Variants in TAF1B observed in about 807,000 individuals in gnomAD.
TAF1B encodes TATA-box binding protein associated factor, RNA polymerase I subunit B.
A neutral mutation model predicts 83.9 loss-of-function variants in TAF1B; 61 were observed. The observed-to-expected ratio is 0.73, with a 90% CI of 0.59 to 0.90. The LOEUF (loss-of-function observed/expected upper bound fraction) is 0.90. TAF1B is among the 40% of genes least tolerant of loss of function. TAF1B has a pLI of 0.00. For missense variants in TAF1B, 625 were observed against 677.0 expected (o/e 0.92, Z 0.85); for synonymous variants, 221 against 224.6 (o/e 0.98, Z 0.14).
intron 14 of TAF1B, among the ~76,000 whole-genome samples, chr2:9,927,116 T>C (rs1000278858): frequency 7.3e-6 from 1 of 137,806 alleles, no homozygotes; most frequent in South Asian, 2.4e-4. Context: ...TGAGAACATA[T>C]GGTGTTTGGT....
At chr2:9,844,072 C>T (rs1447078130) in intron 1 of TAF1B, among the ~76,000 whole-genome samples, 2 of 152,202 alleles carry the variant, frequency 1.3e-5, no homozygotes, top group African/African-American at 4.8e-5. Context: ...AGTACGGGGT[C>T]ACTGAACACT....
intron 8 of TAF1B, among the ~76,000 whole-genome samples, chr2:9,893,130 A>G (rs1256307628): frequency 6.6e-6 from 1 of 152,230 alleles, no homozygotes; most frequent in Non-Finnish European, 1.5e-5. Flanking sequence ...TTTATAGAAA[A>G]GTTGCAAAAC....
At chr2:9,887,506 C>T (rs1345862231) in intron 8 of TAF1B, among the ~76,000 whole-genome samples, 1 of 151,796 alleles carries the variant, frequency 6.6e-6, no homozygotes, top group African/African-American at 2.4e-5. Flanking sequence ...CTTTTTTCTC[C>T]TCGTGCTGTT....
rs529775070 is a variant in TAF1B at position 9,927,007 on chromosome 2, G to C, written c.1566-6776G>C. On this transcript the variant is annotated intron_variant, in intron 14 of 14. Coordinates refer to ENST00000263663, the MANE Select transcript of TAF1B (RefSeq NM_005680.3). ...ATTTACATTAGGTATTTCTCCTAAT[G>C]TTGTCCCTCCCCCTGCCCCCACCCC... Among the ~76,000 whole-genome samples the C allele has an allele frequency of 1.2e-4, 14 of 112,438 alleles. No individual in the cohort carries two copies. The South Asian group carries it at 4.8e-3, about 39-fold the overall frequency. 73.8% of individuals were successfully genotyped at this position (112,438 alleles called of 152,430 possible). A position where few individuals can be genotyped will look rare whatever the true frequency, so the allele number is the denominator to read the frequency against.
rs1664312986 is a variant in TAF1B, at chr2:9,876,007, A to G, written c.696A>G (p.Ser232=). 2 of 1,608,904 alleles carry G rather than the reference A, an allele frequency of 1.2e-6. No homozygotes were observed. The highest frequency in any genetic ancestry group is 1.7e-6 in the Non-Finnish European group (2 of 1,175,900). The change falls in exon 7 of 15, where the codon TCA becomes TCG. Residue 232 remains serine (S), a synonymous_variant. Coordinates refer to ENST00000263663, the MANE Select transcript of TAF1B (RefSeq NM_005680.3). ...LLWQREAITL[S]DLLRFVEEDH... The stretch of plus-strand genomic sequence containing the variant: ...GGCAGAGAGAAGCAATAACACTTTC[A>G]GATCTTTTGAGGTTAGCTAGACCTC...
In TAF1B at chr2:9,910,817, C is replaced by A. The variant is rs777297388; in HGVS notation, c.1037C>A (p.Ala346Asp). 4 of 1,613,552 alleles carry A rather than the reference C, an allele frequency of 2.5e-6. No homozygotes were observed. The highest frequency in any genetic ancestry group is 1.7e-5 in the Admixed American group (1 of 59,962). ...EVDFLTFDPI[A>D]KMAKTVKYDV... ...GATTTTCTGACATTTGATCCTATAG[C>A]TAAAATGGCAAAAACTGTTAAGTAC... The change falls in exon 10 of 15, where the codon GCT becomes GAT. Residue 346 changes from alanine (A) to aspartate (D), a missense_variant. Transcript: ENST00000263663.
chr2:9,919,720 T>C lies in TAF1B; in HGVS notation c.1465T>C (p.Phe489Leu). 1 of 1,614,180 alleles carries C rather than the reference T, an allele frequency of 6.2e-7. No individual in the cohort carries two copies. Among genetic ancestry groups the C allele is most frequent in the Middle Eastern group, 1.6e-4 (1 of 6,062 alleles). The change falls in exon 14 of 15, where the codon TTC (phenylalanine) becomes CTC (leucine). Residue 489 changes from phenylalanine to leucine, a missense_variant. Physicochemically the swap from Phe to Leu is conservative, Grantham distance 22 (BLOSUM62 0). Transcript: ENST00000263663. ...TGAAGAGGACACTGATAGAACGTGT[T>C]TCCATGGACACAGCCTTCAGGGAGT... Reference protein sequence around the residue: ...WTEEDTDRTCFHGHSLQGVLK... With the variant: ...WTEEDTDRTCLHGHSLQGVLK...
chr2:9,893,923 A>G (rs1664943837), intron 8 of TAF1B, among the ~76,000 whole-genome samples: 1 of 152,190 alleles, frequency 6.6e-6, no homozygotes, highest in East Asian at 1.9e-4. Context: ...TATTATTACC[A>G]GGCTTCATAG....
intron 1 of TAF1B, 95 bp downstream of exon 1, chr2:9,843,654 G>A: frequency 4.5e-6 from 6 of 1,335,578 alleles, no homozygotes; most frequent in Non-Finnish European, 5.0e-6. Context: ...GGTTGGGGCG[G>A]CGACGCCACC....
At chr2:9,906,248 A>G (rs1351328910) in intron 9 of TAF1B, among the ~76,000 whole-genome samples, 2 of 152,186 alleles carry the variant, frequency 1.3e-5, no homozygotes, top group Non-Finnish European at 2.9e-5. Context: ...AGAGGGGATG[A>G]TAGGTTTTCT....
chr2:9,924,172 G>A (rs917215849), intron 14 of TAF1B, among the ~76,000 whole-genome samples: 1 of 152,100 alleles, frequency 6.6e-6, no homozygotes, highest in Non-Finnish European at 1.5e-5. Context: ...AACCTTACCT[G>A]TTCTAGACCA....
At chr2:9,859,274 G>C (rs915336871) in intron 5 of TAF1B, among the ~76,000 whole-genome samples, 2 of 152,054 alleles carry the variant, frequency 1.3e-5, no homozygotes, top group Non-Finnish European at 2.9e-5. Flanking sequence ...AATGCCACCA[G>C]TCTCTTTGCT....
chr2:9,845,167 A>T, intron 1 of TAF1B, 53 bp from the exon 2 acceptor site: 1 of 1,345,602 alleles, frequency 7.4e-7, no homozygotes, highest in Non-Finnish European at 1.1e-6. Flanking sequence ...TTTAGGTACG[A>T]TGTATTGAAT....
chr2:9,867,394 T>A (rs1664019927), intron 5 of TAF1B, among the ~76,000 whole-genome samples: 1 of 152,234 alleles, frequency 6.6e-6, no homozygotes, highest in Non-Finnish European at 1.5e-5. Context: ...CTTTCTGGTG[T>A]AGCCTCCTTC....
At chr2:9,909,544 TG>T (rs1665459680) in intron 9 of TAF1B, among the ~76,000 whole-genome samples, 1 of 152,170 alleles carries the variant, frequency 6.6e-6, no homozygotes, top group Non-Finnish European at 1.5e-5. Flanking sequence ...GAGATTAGGC[TG>T]GGAGCTAAAA....
At chr2:9,906,001 G>C (rs1209338364) in intron 9 of TAF1B, among the ~76,000 whole-genome samples, 1 of 151,974 alleles carries the variant, frequency 6.6e-6, no homozygotes, top group African/African-American at 2.4e-5. Context: ...TCTTATTTCT[G>C]CATTTGGACA....
chr2:9,861,244 C>G (rs758739484), intron 5 of TAF1B, among the ~76,000 whole-genome samples: 1 of 152,256 alleles, frequency 6.6e-6, no homozygotes, highest in Non-Finnish European at 1.5e-5. Flanking sequence ...AGGTCGCTCC[C>G]ACCCTAATAC....
intron 14 of TAF1B, among the ~76,000 whole-genome samples, chr2:9,928,423 G>A (rs191431423): frequency 8.9e-4 from 136 of 152,234 alleles, no homozygotes; most frequent in African/African-American, 3.2e-3. Context: ...GATGGGGATG[G>A]CATTGAATCT....
chr2:9,859,934 A>G (rs1663696725), intron 5 of TAF1B, among the ~76,000 whole-genome samples: 2 of 152,244 alleles, frequency 1.3e-5, no homozygotes, highest in South Asian at 4.1e-4. Context: ...TATAAACAAA[A>G]GAGGTTTAAT....
Sources: allele counts gnomAD v4.1 joint callset (sites outside exome capture counted in the v4.1 genomes callset), GRCh38; gene constraint gnomAD v4.1.1; transcripts MANE v1.5; gene names NCBI Gene and HGNC (gene_info 2026-07-23, HGNC 2026-07-21).